Variants in VCPIP1 observed in about 807,000 individuals in gnomAD.
The protein encoded by VCPIP1 is deubiquitinating protein VCPIP1.
VCPIP1 carries 8 observed loss-of-function variants against 85.0 expected under a neutral mutation model. That is an observed-to-expected ratio of 0.09 (90% CI 0.06 to 0.17). VCPIP1 has a LOEUF of 0.17. Among genes scored for constraint, VCPIP1 ranks in the 10% least tolerant of loss-of-function variants. The probability of loss-of-function intolerance (pLI) is 1.00; values close to 1 mark genes in which losing one functional copy is unlikely to be tolerated. For missense variants in VCPIP1, 1,070 were observed against 1,486.3 expected, an observed-to-expected ratio of 0.72 and a Z score of 4.61; for synonymous variants, 543 against 544.5, an observed-to-expected ratio of 1.00 and a Z score of 0.04.
intron 2 of VCPIP1, among the ~76,000 whole-genome samples, chr8:66,636,033 C>G (rs530054758): frequency 1.3e-5 from 2 of 151,290 alleles, no homozygotes; most frequent in Non-Finnish European, 2.9e-5. Context: ...TCAAGACCAG[C>G]CTGGCCAAAA....
rs1337139048 is a variant in VCPIP1, at chr8:66,664,801, T to C, written c.2158A>G (p.Ile720Val). 6 of 1,612,268 alleles carry C rather than the reference T, an allele frequency of 3.7e-6. No individual in the cohort carries two copies. Among genetic ancestry groups the C allele is most frequent in the Middle Eastern group, 1.6e-4 (1 of 6,062 alleles). Residue 720 changes from isoleucine (I) to valine (V), a missense_variant, in exon 1 of 3, where the codon ATT (isoleucine) becomes GTT (valine). Physicochemically the swap from Ile to Val is conservative, Grantham distance 29. Coordinates refer to ENST00000310421, the MANE Select transcript of VCPIP1 (RefSeq NM_025054.5). Reference sequence around the variant, plus strand: ...TGCATTACAGAAGCCTGTTCCGTAATATTCTGTTGAATAGTTCTTTCAGTT... The same window carrying C: ...TGCATTACAGAAGCCTGTTCCGTAACATTCTGTTGAATAGTTCTTTCAGTT... Reference protein sequence around the residue: ...SKTERTIQQNITEQASVMQKR... With the variant: ...SKTERTIQQNVTEQASVMQKR...
Position 66,667,211 on chromosome 8 carries a change from C to CG in VCPIP1, c.-254dup. 1.5e-6 allele frequency: 1 copy of CG among 662,114 alleles called. No homozygotes were observed. 41.0% of individuals were successfully genotyped at this position (662,114 alleles called of 1,614,324 possible). ...CCCCGCACTCACACTCACTCACTCT[C>CG]GCTCTCTCTCCCTCAGACACAGACA... On this transcript the variant is annotated 5_prime_UTR_variant, in exon 1 of 3. Coordinates refer to ENST00000310421, the MANE Select transcript of VCPIP1 (RefSeq NM_025054.5).
intron 1 of VCPIP1, among the ~76,000 whole-genome samples, chr8:66,661,667 C>G (rs1043339338): frequency 2.0e-5 from 3 of 151,134 alleles, no homozygotes; most frequent in African/African-American, 7.3e-5. Context: ...ACCCAGGTAG[C>G]AGAGGTTGCA....
intron 2 of VCPIP1, among the ~76,000 whole-genome samples, chr8:66,641,453 C>T (rs1362285262): frequency 1.3e-5 from 2 of 152,094 alleles, no homozygotes; most frequent in Non-Finnish European, 2.9e-5. Context: ...TCACTGCGAT[C>T]TGGGTTCAAC....
At position 66,651,509 on chromosome 8, in the gene VCPIP1, G is replaced by A. The variant is rs972110848; in HGVS notation, c.2746C>T (p.His916Tyr). Residue 916 changes from histidine (H) to tyrosine (Y), a missense_variant, in exon 2 of 3, where the codon CAC becomes TAC. Coordinates refer to ENST00000310421, the MANE Select transcript of VCPIP1 (RefSeq NM_025054.5). ...DVWSYAKGLP[H>Y]MFQQGGVFYS... Reference sequence around the variant, plus strand: ...AATACACCACCCTGCTGAAACATGTGAGGAAGTCCCTTTGCATAAGACCAT... The same window carrying A: ...AATACACCACCCTGCTGAAACATGTAAGGAAGTCCCTTTGCATAAGACCAT... The A allele has an allele frequency of 3.7e-6, 6 of 1,613,452 alleles. No individual in the cohort carries two copies. The highest frequency in any genetic ancestry group is 4.5e-5 in the East Asian group (2 of 44,872).
intron 1 of VCPIP1, among the ~76,000 whole-genome samples, chr8:66,655,171 AG>A (rs1470028123): frequency 6.6e-6 from 1 of 152,124 alleles, no homozygotes; most frequent in Non-Finnish European, 1.5e-5. Flanking sequence ...CTTCTAGACT[AG>A]GTTTCCCTTT....
chr8:66,659,435 G>A (rs1314469482), intron 1 of VCPIP1, among the ~76,000 whole-genome samples: 1 of 151,900 alleles, frequency 6.6e-6, no homozygotes, highest in African/African-American at 2.4e-5. Flanking sequence ...AAATATTATG[G>A]GTAAAATATT....
At chr8:66,645,759 C>CAAAAAAAA (rs1179669993) in intron 2 of VCPIP1, among the ~76,000 whole-genome samples, 3 of 57,450 alleles carry the variant, frequency 5.2e-5, no homozygotes, top group African/African-American at 1.0e-4. Flanking sequence ...CCTGTCTCTA[C>CAAAAAAAA]AAAAAAAAAA....
At chr8:66,647,352 T>C (rs1811007277) in intron 2 of VCPIP1, among the ~76,000 whole-genome samples, 1 of 151,120 alleles carries the variant, frequency 6.6e-6, no homozygotes, top group South Asian at 2.1e-4. Flanking sequence ...AAAACATAAG[T>C]AAGTAAATAA....
chr8:66,655,669 G>T (rs1003919096), intron 1 of VCPIP1, among the ~76,000 whole-genome samples: 1 of 151,524 alleles, frequency 6.6e-6, no homozygotes, highest in African/African-American at 2.4e-5. Flanking sequence ...TTCTCTTCAA[G>T]AATCTAATAA....
rs780544059 is a variant in VCPIP1 at position 66,665,704 on chromosome 8, C to G, written c.1255G>C (p.Glu419Gln). The G allele has an allele frequency of 6.2e-7, 1 of 1,614,098 alleles. No homozygotes were observed. Among genetic ancestry groups the G allele is most frequent in the Non-Finnish European group, 8.5e-7 (1 of 1,179,978 alleles). The change falls in exon 1 of 3, where the codon GAA becomes CAA. Residue 419 changes from glutamate to glutamine, a missense_variant. Glu to Gln is a conservative substitution (Grantham distance 29). Around this residue, in one of 8 missense-constraint regions of VCPIP1, gnomAD observed 83 missense variants for 134.6 expected, o/e 0.62. Coordinates refer to ENST00000310421, the MANE Select transcript of VCPIP1 (RefSeq NM_025054.5). The surrounding 1 kb of genome is among the most constrained non-coding windows in gnomAD (Gnocchi z 4.3). The stretch of plus-strand genomic sequence containing the variant: ...ATACCATGTTTGTCCATAAAGACTT[C>G]TTCCATAGCAGCAACAAGCCTAAGT... ...YLLRLVAAMEEVFMDKHGIHP... is the reference protein window; with the variant it reads ...YLLRLVAAMEQVFMDKHGIHP...
rs1370504048 is a variant in VCPIP1, at chr8:66,634,391, T to C, written c.*110A>G. On this transcript the variant is annotated 3_prime_UTR_variant, in exon 3 of 3. Transcript: ENST00000310421. Reference sequence around the variant, plus strand: ...TGCACTGAATAACAAGATATAATCTTTGAATTATATACGTACAAGATTTTT... The same window carrying C: ...TGCACTGAATAACAAGATATAATCTCTGAATTATATACGTACAAGATTTTT... 5 of 1,267,834 alleles carry C rather than the reference T, an allele frequency of 3.9e-6. No individual in the cohort carries two copies. Among genetic ancestry groups the C allele is most frequent in the East Asian group, 4.7e-5 (2 of 42,614 alleles). The allele number at this position is 1,267,834 out of a possible 1,614,324, so 78.5% of individuals were successfully genotyped here. A position where few individuals can be genotyped will look rare whatever the true frequency, so the allele number is the denominator to read the frequency against.
chr8:66,631,255 C>T lies in VCPIP1; in HGVS notation c.*3246G>A, dbSNP rs1203325285. On this transcript the variant is annotated 3_prime_UTR_variant, in exon 3 of 3. Transcript: ENST00000310421. ...CTGTATTGATATTCTGAAATAAACA[C>T]TTTATGCTGCCACTATATTGACCAG... 6.6e-6 allele frequency: 1 copy of T among 152,176 alleles called. No homozygotes were observed. Among genetic ancestry groups the T allele is most frequent in the Non-Finnish European group, 1.5e-5 (1 of 67,956 alleles). 9.4% of individuals were successfully genotyped at this position (152,176 alleles called of 1,614,324 possible).
rs1408073516 is a variant in VCPIP1, at chr8:66,665,268, T to C, written c.1691A>G (p.Asn564Ser). The C allele has an allele frequency of 6.2e-7, 1 of 1,614,194 alleles. No individual in the cohort carries two copies. Among genetic ancestry groups the C allele is most frequent in the Non-Finnish European group, 8.5e-7 (1 of 1,180,036 alleles). The change falls in exon 1 of 3, where the codon AAT (asparagine) becomes AGT (serine). Residue 564 changes from asparagine to serine, a missense_variant. Asn to Ser is a conservative substitution (Grantham distance 46). Coordinates refer to ENST00000310421, the MANE Select transcript of VCPIP1 (RefSeq NM_025054.5). This position sits in a 1 kb window ranked among gnomAD's most constrained non-coding sequence, Gnocchi z 4.3. ...SIVYLDGDRT[N>S]SRSTGGKCGC... is the part of the protein sequence containing the mutation. ...ACATTTGCCACCAGTGGACCTAGAATTAGTTCTGTCTCCATCCAAATACAC... is the reference window on the plus strand; with the variant it reads ...ACATTTGCCACCAGTGGACCTAGAACTAGTTCTGTCTCCATCCAAATACAC...
rs1810854533 is a variant in VCPIP1, at chr8:66,633,577, A to AT, written c.*923dup. On this transcript the variant is annotated 3_prime_UTR_variant, in exon 3 of 3. Transcript: ENST00000310421. ...TATGGATTCTGAAAAAAAAAAAAAAATTTTGGCTCAAAGGGGCATAAATAC... is the reference window on the plus strand; with the variant it reads ...TATGGATTCTGAAAAAAAAAAAAAAATTTTTGGCTCAAAGGGGCATAAATAC... 1 of 151,784 alleles carries AT rather than the reference A, an allele frequency of 6.6e-6. No homozygotes were observed. Among genetic ancestry groups the AT allele is most frequent in the East Asian group, 1.9e-4 (1 of 5,170 alleles). The allele number at this position is 151,784 out of a possible 1,614,324, so 9.4% of individuals were successfully genotyped here. A position where few individuals can be genotyped will look rare whatever the true frequency, so the allele number is the denominator to read the frequency against.
chr8:66,643,563 A>G (rs1240116774), intron 2 of VCPIP1, among the ~76,000 whole-genome samples: 3 of 151,776 alleles, frequency 2.0e-5, no homozygotes, highest in Non-Finnish European at 4.4e-5. Context: ...TTAGTTGGGC[A>G]TAGTGACGCA....
chr8:66,635,104 T>A lies in VCPIP1; in HGVS notation c.3066A>T (p.Val1022=), dbSNP rs1810871909. ...VKKKSEQLHN[V]TAFQGKGHSL... Reference sequence around the variant, plus strand: ...AATGCCCTTTTCCCTGAAAGGCAGTTACGTTATGAAGTTGCTCAGATTTCT... The same window carrying A: ...AATGCCCTTTTCCCTGAAAGGCAGTAACGTTATGAAGTTGCTCAGATTTCT... The change falls in exon 3 of 3, where the codon GTA becomes GTT. Residue 1022 remains valine (V), a synonymous_variant. Transcript: ENST00000310421. The A allele has an allele frequency of 6.2e-7, 1 of 1,614,116 alleles. No individual in the cohort carries two copies. The highest frequency in any genetic ancestry group is 8.5e-7 in the Non-Finnish European group (1 of 1,180,050).
Position 66,665,115 on chromosome 8 carries a change from T to C in VCPIP1, c.1844A>G (p.Asp615Gly). Residue 615 changes from aspartate (D) to glycine (G), a missense_variant, in exon 1 of 3, where the codon GAT becomes GGT. Asp to Gly is a moderately conservative substitution (Grantham distance 94). Transcript: ENST00000310421. The surrounding 1 kb of genome is among the most constrained non-coding windows in gnomAD (Gnocchi z 4.3). ...GTAAACATTACTATTCAAAGATGAATCACTTTCATACTGGAACCAATATAC... is the reference window on the plus strand; with the variant it reads ...GTAAACATTACTATTCAAAGATGAACCACTTTCATACTGGAACCAATATAC... ...ETVYWFQYES[D>G]SSLNSNVYDV... 6.2e-7 allele frequency: 1 copy of C among 1,613,400 alleles called. No homozygotes were observed.
Position 66,637,341 on chromosome 8 carries a change from C to A in VCPIP1, c.2798-1969G>T, listed in dbSNP as rs115537245. Among the ~76,000 whole-genome samples, 1,183 of 152,002 alleles carry A rather than the reference C, an allele frequency of 7.8e-3. 13 individuals carry two copies. Among genetic ancestry groups the A allele is most frequent in the African/African-American group, 0.027 (1,118 of 41,456 alleles). On this transcript the variant is annotated intron_variant, in intron 2 of 2. Coordinates refer to ENST00000310421, the MANE Select transcript of VCPIP1 (RefSeq NM_025054.5). ...CTCCAACATGGGTGATAGCAAGAAACTGTCTAAAAACAAAACAAAACAAAA... is the reference window on the plus strand; with the variant it reads ...CTCCAACATGGGTGATAGCAAGAAAATGTCTAAAAACAAAACAAAACAAAA...
Sources: allele counts gnomAD v4.1 joint callset (sites outside exome capture counted in the v4.1 genomes callset), GRCh38; gene constraint gnomAD v4.1.1; regional missense constraint gnomAD v4.1.1; non-coding constraint Gnocchi (gnomAD v3.1); transcripts MANE v1.5; gene names NCBI Gene and HGNC (gene_info 2026-07-23, HGNC 2026-07-21).